Variants in SH3RF3 observed in about 807,000 individuals in gnomAD.
The protein encoded by SH3RF3 is E3 ubiquitin-protein ligase SH3RF3.
Under a neutral mutation model 66.3 loss-of-function variants are expected in SH3RF3, and 29 were observed. The observed-to-expected ratio is 0.44, with a 90% CI of 0.33 to 0.60. The LOEUF (loss-of-function observed/expected upper bound fraction) is 0.60. Ranked by LOEUF, SH3RF3 falls within the 20% of genes least tolerant of loss-of-function variation. SH3RF3 has a pLI of 0.04. For missense variants in SH3RF3, 1,194 were observed against 1,190.9 expected (o/e 1.00, Z -0.04); for synonymous variants, 583 against 532.0 (o/e 1.10, Z -1.32).
intron 2 of SH3RF3, among the ~76,000 whole-genome samples, chr2:109,358,825 T>C (rs1683002308): frequency 6.6e-6 from 1 of 152,244 alleles, no homozygotes; most frequent in Non-Finnish European, 1.5e-5. Context: ...TTGTGGATCA[T>C]GCTTTTGGTG....
At chr2:109,358,952 A>C (rs1683003610) in intron 2 of SH3RF3, among the ~76,000 whole-genome samples, 2 of 152,122 alleles carry the variant, frequency 1.3e-5, no homozygotes, top group South Asian at 4.1e-4. Flanking sequence ...TATTGAGTTC[A>C]TTTTTGTGAG....
At chr2:109,130,415 T>C (rs1676663025) in intron 1 of SH3RF3, among the ~76,000 whole-genome samples, 1 of 152,214 alleles carries the variant, frequency 6.6e-6, no homozygotes, top group Non-Finnish European at 1.5e-5. Flanking sequence ...GCATCGCCCT[T>C]GCGTCTCCCT....
rs1679419602 is a variant in SH3RF3, at chr2:109,502,626, ACT to A, written c.*958_*959del. ...GCTTGGAAGCAGCCGGTTTCTTTAA[ACT>A]CTTACCAAAACCCCGCGCTCTGTCT... On this transcript the variant is annotated 3_prime_UTR_variant, in exon 10 of 10. Coordinates refer to ENST00000309415, the MANE Select transcript of SH3RF3 (RefSeq NM_001099289.3). The A allele has an allele frequency of 1.3e-5, 2 of 151,536 alleles. No homozygotes were observed. Among genetic ancestry groups the A allele is most frequent in the Admixed American group, 6.6e-5 (1 of 15,188 alleles). 9.4% of individuals were successfully genotyped at this position (151,536 alleles called of 1,614,324 possible).
chr2:109,379,953 C>G (rs1274311287), intron 3 of SH3RF3, among the ~76,000 whole-genome samples: 1 of 152,170 alleles, frequency 6.6e-6, no homozygotes, highest in African/African-American at 2.4e-5. Flanking sequence ...AAGCAGTGGT[C>G]TTGCCTTCAC....
intron 2 of SH3RF3, among the ~76,000 whole-genome samples, chr2:109,357,687 A>G (rs1682979374): frequency 6.6e-6 from 1 of 152,124 alleles, no homozygotes; most frequent in Admixed American, 6.5e-5. Context: ...AGCTATACCC[A>G]TGTTGTTGTA....
chr2:109,442,791 A>G (rs1677607250), intron 7 of SH3RF3, among the ~76,000 whole-genome samples: 1 of 152,270 alleles, frequency 6.6e-6, no homozygotes, highest in Non-Finnish European at 1.5e-5. Flanking sequence ...CAGAAGGGAA[A>G]AGAAACAATA....
At chr2:109,272,519 G>A (rs554986044) in intron 1 of SH3RF3, among the ~76,000 whole-genome samples, 57 of 152,294 alleles carry the variant, frequency 3.7e-4, no homozygotes, top group African/African-American at 1.3e-3. Context: ...GCACTCACAG[G>A]GGCCGAGTAG....
intron 1 of SH3RF3, among the ~76,000 whole-genome samples, chr2:109,231,221 A>G (rs1213852900): frequency 6.6e-6 from 1 of 152,244 alleles, no homozygotes; most frequent in Non-Finnish European, 1.5e-5. Flanking sequence ...GCAGTTCTTC[A>G]TCCAGGGGCT....
intron 1 of SH3RF3, among the ~76,000 whole-genome samples, chr2:109,223,188 A>G (rs1679294110): frequency 6.6e-6 from 1 of 152,222 alleles, no homozygotes. Flanking sequence ...GCCACAGATC[A>G]TGAATGCTTT....
chr2:109,323,053 T>C (rs1030913552), intron 1 of SH3RF3, among the ~76,000 whole-genome samples: 1 of 152,216 alleles, frequency 6.6e-6, no homozygotes, highest in African/African-American at 2.4e-5. Flanking sequence ...AAATGTTTTA[T>C]CAGAGACAGG....
At chr2:109,344,944 C>T (rs192497102) in intron 1 of SH3RF3, among the ~76,000 whole-genome samples, 82 of 152,256 alleles carry the variant, frequency 5.4e-4, no homozygotes, top group Admixed American at 6.5e-4. Flanking sequence ...ATTTGAGAGC[C>T]ACTGGCACAG....
chr2:109,420,286 C>T (rs1356362801), intron 5 of SH3RF3, among the ~76,000 whole-genome samples: 1 of 152,160 alleles, frequency 6.6e-6, no homozygotes, highest in Non-Finnish European at 1.5e-5. Context: ...AGAGCTCAGT[C>T]ACTTGAATGA....
rs143895514 is a variant in SH3RF3 at position 109,159,817 on chromosome 2, G to A, written c.573+29704G>A. On this transcript the variant is annotated intron_variant, in intron 1 of 9. Coordinates refer to ENST00000309415, the MANE Select transcript of SH3RF3 (RefSeq NM_001099289.3). ...GATTTAGGTTTCACACTCCTTATGA[G>A]AATCTAACGCCTCATGATCTGTCAC... 9.8e-5 allele frequency among the ~76,000 whole-genome samples: 15 copies of A among 152,312 alleles called. No individual in the cohort carries two copies. The East Asian group carries it at 2.9e-3, about 29-fold the overall frequency.
At chr2:109,390,682 A>G (rs1265557378) in intron 3 of SH3RF3, among the ~76,000 whole-genome samples, 2 of 151,974 alleles carry the variant, frequency 1.3e-5, no homozygotes, top group South Asian at 2.1e-4. Context: ...AGACCCATGG[A>G]CTCTGGGATG....
At chr2:109,156,384 G>A (rs1433009814) in intron 1 of SH3RF3, among the ~76,000 whole-genome samples, 1 of 152,146 alleles carries the variant, frequency 6.6e-6, no homozygotes, top group African/African-American at 2.4e-5. Flanking sequence ...GTATCCACTC[G>A]GGTGTTTGTT....
intron 1 of SH3RF3, among the ~76,000 whole-genome samples, chr2:109,294,963 G>T (rs184344313): frequency 6.6e-6 from 1 of 152,234 alleles, no homozygotes; most frequent in Non-Finnish European, 1.5e-5. Context: ...TCTTTCAGCC[G>T]ATGTTCATTC....
At chr2:109,212,764 C>A (rs900707001) in intron 1 of SH3RF3, among the ~76,000 whole-genome samples, 14 of 152,224 alleles carry the variant, frequency 9.2e-5, no homozygotes, top group African/African-American at 2.2e-4. Context: ...CCTTCTCCCC[C>A]ACCCGTCAGT....
At chr2:109,184,837 G>C (rs1425025859) in intron 1 of SH3RF3, among the ~76,000 whole-genome samples, 1 of 152,210 alleles carries the variant, frequency 6.6e-6, no homozygotes, top group East Asian at 1.9e-4. Context: ...TTACGTGGTT[G>C]TCCAGAAAAC....
intron 8 of SH3RF3, among the ~76,000 whole-genome samples, chr2:109,463,431 C>G (rs1418083562): frequency 4.6e-5 from 7 of 152,208 alleles, no homozygotes; most frequent in Non-Finnish European, 1.0e-4. Flanking sequence ...GGCCATAGTT[C>G]CCACTGTAAG....
Sources: gnomAD v4.1 joint callset for allele counts (sites outside exome capture counted in the v4.1 genomes callset) on GRCh38, gnomAD v4.1.1 for gene constraint, MANE v1.5 for transcripts, NCBI Gene and HGNC (gene_info 2026-07-23, HGNC 2026-07-21) for gene names.